The following DSG2 variants were observed in gnomAD, a reference collection of about 807,000 sequenced individuals.
The protein encoded by DSG2 is desmoglein-2.
A neutral mutation model predicts 75.6 loss-of-function variants in DSG2; 45 were observed. The ratio of observed to expected loss-of-function variants is 0.60; its 90% CI spans 0.47 to 0.76. DSG2 has a LOEUF of 0.76. Among genes scored for constraint, DSG2 ranks in the 30% least tolerant of loss-of-function variants. DSG2 has a pLI of 0.00. For missense variants in DSG2, 1,267 were observed against 1,357.4 expected (o/e 0.93, Z 1.05); for synonymous variants, 429 against 483.9 (o/e 0.89, Z 1.49).
chr18:31,531,949 T>C (rs899162215), intron 9 of DSG2, among the ~76,000 whole-genome samples: 2 of 152,206 alleles, frequency 1.3e-5, no homozygotes, highest in African/African-American at 4.8e-5. Context: ...TCTACAGAGC[T>C]GTTATTTATG....
In DSG2 at chr18:31,542,602, C is replaced by T. The variant is rs200137091; in HGVS notation, c.2084C>T (p.Thr695Met). ...GTAGGAGGTATGGCCAAGGAAGCCA[C>T]GATGAAAGGAAGTAGCTCTGCTTCC... ...NGVGGMAKEA[T>M]MKGSSSASIV... Residue 695 changes from threonine (T) to methionine (M), a missense_variant, in exon 14 of 15, where the codon ACG becomes ATG. Thr to Met is a moderately conservative substitution (Grantham distance 81, BLOSUM62 -1). Transcript: ENST00000261590. 20 of 1,614,004 alleles carry T rather than the reference C, an allele frequency of 1.2e-5. No homozygotes were observed. Among genetic ancestry groups the T allele is most frequent in the Admixed American group, 1.7e-5 (1 of 60,016 alleles).
Position 31,522,075 on chromosome 18 carries a change from A to G in DSG2, c.524-8A>G. ...TTTCATCTTAGACATCTTTATTTCT[A>G]ATGCCAGATACTCTTGTGATGAAAA... On this transcript the variant is annotated splice_polypyrimidine_tract_variant and splice_region_variant and intron_variant, in intron 5 of 14. Coordinates refer to ENST00000261590, the MANE Select transcript of DSG2 (RefSeq NM_001943.5). 2 of 1,613,090 alleles carry G rather than the reference A, an allele frequency of 1.2e-6. No homozygotes were observed. Among genetic ancestry groups the G allele is most frequent in the Non-Finnish European group, 8.5e-7 (1 of 1,179,196 alleles).
At position 31,531,082 on chromosome 18, in the gene DSG2, TAC is replaced by T; in HGVS notation, c.1113_1114del (p.Pro372HisfsTer17). ...HKSIRSKYKP[T>X]PIPIKVKVKN... is the part of the protein sequence containing the mutation. ...AGTCGATTAGGAGTAAATACAAGCCTACACCCATTCCCATCAAGGTCAAAGTG... is the reference window on the plus strand; with the variant it reads ...AGTCGATTAGGAGTAAATACAAGCCTACCCATTCCCATCAAGGTCAAAGTG... On this transcript the variant is annotated frameshift_variant, in exon 9 of 15. Transcript: ENST00000261590. LOFTEE classifies it high-confidence loss of function. 1 of 1,614,142 alleles carries T rather than the reference TAC, an allele frequency of 6.2e-7. No individual in the cohort carries two copies.
At chr18:31,525,612 G>A (rs576268274) in intron 8 of DSG2, among the ~76,000 whole-genome samples, 1 of 152,162 alleles carries the variant, frequency 6.6e-6, no homozygotes, top group Admixed American at 6.5e-5. Context: ...AGTTAAGTGT[G>A]CCTAAGAATC....
chr18:31,537,597 T>C (rs28376849), intron 11 of DSG2, among the ~76,000 whole-genome samples: 56,718 of 151,024 alleles, frequency 0.38, 10,734 homozygotes, highest in East Asian at 0.51. Context: ...CCAGCCTGGG[T>C]GACAGAGCAA....
chr18:31,536,561 C>T (rs780518783), intron 11 of DSG2, 132 bp downstream of exon 11: 6 of 884,360 alleles, frequency 6.8e-6, no homozygotes, highest in Non-Finnish European at 1.1e-5. Context: ...AAATGAGGTC[C>T]TGAACCTACT....
At chr18:31,539,730 C>T (rs2073254867) in intron 12 of DSG2, among the ~76,000 whole-genome samples, 1 of 152,192 alleles carries the variant, frequency 6.6e-6, no homozygotes, top group African/African-American at 2.4e-5. Flanking sequence ...CAAGGGGTCC[C>T]CAACCCCCAG....
In DSG2 at chr18:31,546,041, C is replaced by T. The variant is rs564623722; in HGVS notation, c.2655C>T (p.Gly885=). The change falls in exon 15 of 15, where the codon GGC becomes GGT. Residue 885 remains glycine, a synonymous_variant. Coordinates refer to ENST00000261590, the MANE Select transcript of DSG2 (RefSeq NM_001943.5). ...ATTCAGAGAATACCTACTCCTCTGG[C>T]AGTAGCTTCCCAGTTCCAAAATCTT... The part of the protein sequence containing the change: ...MVNSENTYSS[G]SSFPVPKSLQ... 1 of 1,614,200 alleles carries T rather than the reference C, an allele frequency of 6.2e-7. No individual in the cohort carries two copies. The highest frequency in any genetic ancestry group is 1.3e-5 in the African/African-American group (1 of 75,054).
At chr18:31,543,863 C>CT (rs1422920009) in intron 14 of DSG2, among the ~76,000 whole-genome samples, 3 of 97,058 alleles carry the variant, frequency 3.1e-5, no homozygotes, top group Admixed American at 1.2e-4. Flanking sequence ...GAAACTCTGT[C>CT]TAAAAAAAAA....
intron 14 of DSG2, among the ~76,000 whole-genome samples, chr18:31,544,684 A>T (rs1361355587): frequency 6.6e-6 from 1 of 152,228 alleles, no homozygotes; most frequent in Non-Finnish European, 1.5e-5. Context: ...ACTAATTAGG[A>T]TATTAAGAGA....
intron 14 of DSG2, chr18:31,543,459 G>A (rs112696044): frequency 6.6e-6 from 1 of 152,202 alleles, no homozygotes; most frequent in Admixed American, 6.5e-5. Flanking sequence ...ACTTGGCTTT[G>A]CTATTATGAG....
At position 31,531,237 on chromosome 18, in the gene DSG2, T is replaced by C; in HGVS notation, c.1265T>C (p.Leu422Pro). 1 of 1,614,196 alleles carries C rather than the reference T, an allele frequency of 6.2e-7. No homozygotes were observed. Among genetic ancestry groups the C allele is most frequent in the Non-Finnish European group, 8.5e-7 (1 of 1,180,016 alleles). ...CAAGCTTTTGATGAGGACACTGGAC[T>C]ACCAGCCCATGCAAGGTAAGAGAGA... Reference protein sequence around the residue: ...NFQAFDEDTGLPAHARYVKLE... With the variant: ...NFQAFDEDTGPPAHARYVKLE... Residue 422 changes from leucine to proline, a missense_variant, in exon 9 of 15, where the codon CTA (leucine) becomes CCA (proline). Leu to Pro is a moderately conservative substitution (Grantham distance 98, BLOSUM62 -3). Coordinates refer to ENST00000261590, the MANE Select transcript of DSG2 (RefSeq NM_001943.5).
At position 31,538,871 on chromosome 18, in the gene DSG2, G is replaced by A; in HGVS notation, c.1772G>A (p.Cys591Tyr). Residue 591 changes from cysteine (C) to tyrosine (Y), a missense_variant, in exon 12 of 15, where the codon TGT becomes TAT. Coordinates refer to ENST00000261590, the MANE Select transcript of DSG2 (RefSeq NM_001943.5). ...PEKQVLTLTV[C>Y]ECLHGSGCRE... Reference sequence around the variant, plus strand: ...AAGCAGGTCCTTACACTCACAGTTTGTGAGTGTCTGCATGGCAGCGGCTGC... The same window carrying A: ...AAGCAGGTCCTTACACTCACAGTTTATGAGTGTCTGCATGGCAGCGGCTGC... 3 of 1,614,170 alleles carry A rather than the reference G, an allele frequency of 1.9e-6. No individual in the cohort carries two copies. Among genetic ancestry groups the A allele is most frequent in the African/African-American group, 1.3e-5 (1 of 75,040 alleles).
Position 31,542,676 on chromosome 18 carries a change from G to T in DSG2, c.2158G>T (p.Glu720Ter), listed in dbSNP as rs2144353262. The T allele has an allele frequency of 1.2e-6, 2 of 1,614,196 alleles. No individual in the cohort carries two copies. The highest frequency in any genetic ancestry group is 4.5e-5 in the East Asian group (2 of 44,870). Residue 720 changes from glutamate (E) to a stop codon, truncating the protein, a stop_gained, in exon 14 of 15, where the codon GAA becomes TAA. Transcript: ENST00000261590. LOFTEE classifies it high-confidence loss of function. ...GTCCGAGATGGATGGAAGGTGGGAAGAACACAGAAGCCTGCTTTCTGGTAG... is the reference window on the plus strand; with the variant it reads ...GTCCGAGATGGATGGAAGGTGGGAATAACACAGAAGCCTGCTTTCTGGTAG... ...EMSEMDGRWE[E>*]HRSLLSGRAT... is the part of the protein sequence containing the mutation.
At chr18:31,508,855 C>G (rs952344803) in intron 1 of DSG2, among the ~76,000 whole-genome samples, 1 of 152,116 alleles carries the variant, frequency 6.6e-6, no homozygotes, top group African/African-American at 2.4e-5. Flanking sequence ...AAAGTGTGGT[C>G]CCACTTTTGG....
At chr18:31,533,595 C>T (rs190046293) in intron 9 of DSG2, among the ~76,000 whole-genome samples, 12 of 152,308 alleles carry the variant, frequency 7.9e-5, no homozygotes, top group Non-Finnish European at 1.6e-4. Flanking sequence ...TGAGATTAAG[C>T]AAACACATTG....
In DSG2 at chr18:31,525,572, A is replaced by T. The variant is rs557937718; in HGVS notation, c.1014+684A>T. ...AGTAAACCCAGGCCTCACTAATAAC[A>T]TCTAAAAATAAAAGCTGTGATAACT... On this transcript the variant is annotated intron_variant, in intron 8 of 14. Coordinates refer to ENST00000261590, the MANE Select transcript of DSG2 (RefSeq NM_001943.5). Among the ~76,000 whole-genome samples the T allele has an allele frequency of 2.6e-5, 4 of 152,038 alleles. No homozygotes were observed. The East Asian group carries it at 7.7e-4, about 29-fold the overall frequency.
At chr18:31,503,337 A>T (rs767980125) in intron 1 of DSG2, among the ~76,000 whole-genome samples, 5 of 152,352 alleles carry the variant, frequency 3.3e-5, no homozygotes, top group Non-Finnish European at 7.3e-5. Context: ...CCCAGCTGGT[A>T]TCTGAGAATA....
chr18:31,525,908 C>T (rs1181656898), intron 8 of DSG2, among the ~76,000 whole-genome samples: 1 of 151,912 alleles, frequency 6.6e-6, no homozygotes, highest in Non-Finnish European at 1.5e-5. Flanking sequence ...TTTGGGAGGC[C>T]GAGGAGGGCG....
Sources: gnomAD v4.1 joint callset for allele counts (sites outside exome capture counted in the v4.1 genomes callset) on GRCh38, gnomAD v4.1.1 for gene constraint, MANE v1.5 for transcripts, NCBI Gene and HGNC (gene_info 2026-07-23, HGNC 2026-07-21) for gene names.